EHF: variants seen among roughly 807,000 people sequenced by gnomAD.
EHF encodes the protein ETS homologous factor.
A neutral mutation model predicts 45.1 loss-of-function variants in EHF; 14 were observed. That is an observed-to-expected ratio of 0.31 (90% CI 0.21 to 0.49). The LOEUF (loss-of-function observed/expected upper bound fraction) is 0.49, where lower values mean the gene tolerates loss of function less well. Ranked by LOEUF, EHF falls within the 20% of genes least tolerant of loss-of-function variation. The pLI is 0.99. For missense variants in EHF, 282 were observed against 371.4 expected, an observed-to-expected ratio of 0.76 and a Z score of 1.98; for synonymous variants, 136 against 131.8, an observed-to-expected ratio of 1.03 and a Z score of -0.22.
At chr11:34,654,006 G>A (rs988267089) in intron 6 of EHF, among the ~76,000 whole-genome samples, 1 of 152,136 alleles carries the variant, frequency 6.6e-6, no homozygotes, top group Non-Finnish European at 1.5e-5. Context: ...ATGCCAGCTC[G>A]GGCTTGATGT....
intron 1 of EHF, among the ~76,000 whole-genome samples, chr11:34,639,113 G>A (rs868580278): frequency 1.3e-5 from 2 of 152,170 alleles, no homozygotes; most frequent in Non-Finnish European, 2.9e-5. Flanking sequence ...AAACCAGTGC[G>A]AGAAATGGAG....
At chr11:34,650,388 G>A (rs1172431423) in intron 4 of EHF, among the ~76,000 whole-genome samples, 1 of 152,222 alleles carries the variant, frequency 6.6e-6, no homozygotes, top group African/African-American at 2.4e-5. Flanking sequence ...CCAACAAGGA[G>A]AGAGGGTGTA....
Position 34,663,204 on chromosome 11 carries a change from A to G in EHF, c.*4273A>G, listed in dbSNP as rs954973462. 7.2e-5 allele frequency among the ~76,000 whole-genome samples: 11 copies of G among 152,088 alleles called. No homozygotes were observed. Among genetic ancestry groups the G allele is most frequent in the Non-Finnish European group, 1.3e-4 (9 of 68,014 alleles). ...CTATTCCTGCTATTCCTGTTTTGTC[A>G]AAGAATTATATTTTTCAAAATATGT... On this transcript the variant is annotated 3_prime_UTR_variant, in exon 9 of 9. Coordinates refer to ENST00000257831, the MANE Select transcript of EHF (RefSeq NM_012153.6).
chr11:34,632,544 C>G, intron 1 of EHF: 1 of 1,535,536 alleles, frequency 6.5e-7, no homozygotes. Context: ...ATTATCCTCT[C>G]TGCCAACTCC....
At chr11:34,627,112 TTGTGTGTGTG>T (rs6144298) in intron 1 of EHF, among the ~76,000 whole-genome samples, 46 of 148,402 alleles carry the variant, frequency 3.1e-4, no homozygotes, top group Non-Finnish European at 3.1e-4. Context: ...GGATTTTGGT[TTGTGTGTGTG>T]TGTGTGTGTG....
intron 4 of EHF, among the ~76,000 whole-genome samples, chr11:34,650,124 C>T (rs1236012433): frequency 6.6e-6 from 1 of 152,142 alleles, no homozygotes; most frequent in Non-Finnish European, 1.5e-5. Flanking sequence ...GATGGCACCC[C>T]CTCCCCTGCT....
intron 1 of EHF, among the ~76,000 whole-genome samples, chr11:34,629,242 G>T (rs1002294741): frequency 6.6e-6 from 1 of 152,168 alleles, no homozygotes; most frequent in African/African-American, 2.4e-5. Context: ...TGGCTGAAAG[G>T]GATTTAATCC....
chr11:34,630,956 G>T (rs1379825779), intron 1 of EHF, among the ~76,000 whole-genome samples: 11 of 152,174 alleles, frequency 7.2e-5, no homozygotes, highest in African/African-American at 2.4e-4. Context: ...CAAGGTGTTT[G>T]TCTGGGGAAA....
At chr11:34,656,434 T>G (rs957976535) in intron 6 of EHF, among the ~76,000 whole-genome samples, 1 of 152,198 alleles carries the variant, frequency 6.6e-6, no homozygotes, top group African/African-American at 2.4e-5. Flanking sequence ...ATCTAAATCT[T>G]TCAATGGCTT....
chr11:34,646,837 T>C (rs1854598532), intron 3 of EHF, 153 bp downstream of exon 3: 2 of 1,018,382 alleles, frequency 2.0e-6, no homozygotes, highest in African/African-American at 3.2e-5. Context: ...GGAAGGAAGA[T>C]GAAAGGACAG....
intron 1 of EHF, among the ~76,000 whole-genome samples, chr11:34,637,504 A>C: frequency 6.6e-6 from 1 of 152,182 alleles, no homozygotes; most frequent in East Asian, 1.9e-4. Context: ...TTAGCACAGA[A>C]CAGTGCTTTC....
chr11:34,632,763 C>T, intron 1 of EHF: 4 of 1,318,496 alleles, frequency 3.0e-6, no homozygotes, highest in Non-Finnish European at 4.2e-6. Flanking sequence ...GAAGGAGCCA[C>T]TATTATTTTG....
intron 6 of EHF, among the ~76,000 whole-genome samples, chr11:34,655,608 C>A (rs766391201): frequency 6.6e-6 from 1 of 152,184 alleles, no homozygotes; most frequent in Non-Finnish European, 1.5e-5. Flanking sequence ...TTTCTCAGAT[C>A]CTCCACAGCT....
chr11:34,628,961 G>C lies in EHF; in HGVS notation c.-4+7733G>C, dbSNP rs117793534. Among the ~76,000 whole-genome samples, 664 of 152,286 alleles carry C rather than the reference G, an allele frequency of 4.4e-3. 2 individuals carry two copies. Among genetic ancestry groups the C allele is most frequent in the Non-Finnish European group, 7.4e-3 (501 of 68,020 alleles). On this transcript the variant is annotated intron_variant, in intron 1 of 8. Transcript: ENST00000257831. ...AAGTTTTGAACAAAGGGCCCTGCAT[G>C]TTCCTTTTACACTGAGCTCTGCAAA...
At chr11:34,646,027 GGT>G (rs71041935) in intron 2 of EHF, among the ~76,000 whole-genome samples, 29,388 of 143,856 alleles carry the variant, frequency 0.2, 2,895 homozygotes, top group East Asian at 0.33. Flanking sequence ...TGAGTTTGGT[GGT>G]GTGTGTGTGT....
At chr11:34,622,431 A>T (rs1164444315) in intron 1 of EHF, 2 of 1,280,728 alleles carry the variant, frequency 1.6e-6, no homozygotes, top group Admixed American at 4.6e-5. Flanking sequence ...AGATGTGTTG[A>T]TAGTCTTTCA....
chr11:34,640,757 T>C (rs1055400893), intron 1 of EHF, among the ~76,000 whole-genome samples: 4 of 152,222 alleles, frequency 2.6e-5, no homozygotes, highest in African/African-American at 9.6e-5. Context: ...AAGGAACTTA[T>C]GATCAGTATA....
intron 4 of EHF, 78 bp from the exon 5 acceptor site, chr11:34,651,464 A>T: frequency 1.6e-6 from 2 of 1,224,616 alleles, no homozygotes; most frequent in Non-Finnish European, 2.4e-6. Flanking sequence ...TTGTTGATGA[A>T]CAATGAATTA....
In EHF at chr11:34,651,822, T is replaced by A; in HGVS notation, c.544+17T>A. ...TTCCTGTTGGTAAGCTGTCATCACA[T>A]CTGAGGCTGGGTATGCCTAATGCTT... On this transcript the variant is annotated intron_variant, in intron 6 of 8. Transcript: ENST00000257831. The A allele has an allele frequency of 1.2e-6, 2 of 1,612,072 alleles. No homozygotes were observed. The highest frequency in any genetic ancestry group is 1.1e-5 in the South Asian group (1 of 90,828).
Sources: gnomAD v4.1 joint callset for allele counts (sites outside exome capture counted in the v4.1 genomes callset) on GRCh38, gnomAD v4.1.1 for gene constraint, MANE v1.5 for transcripts, NCBI Gene and HGNC (gene_info 2026-07-23, HGNC 2026-07-21) for gene names.